ZSWIM3: variants seen among roughly 807,000 people sequenced by gnomAD.
ZSWIM3 encodes the protein zinc finger SWIM domain-containing protein 3.
ZSWIM3 carries 27 observed loss-of-function variants against 47.5 expected under a neutral mutation model. The ratio of observed to expected loss-of-function variants is 0.57; its 90% confidence interval spans 0.42 to 0.78. The LOEUF (loss-of-function observed/expected upper bound fraction) is 0.78, where lower values mean the gene tolerates loss of function less well. Among genes scored for constraint, ZSWIM3 ranks in the 30% least tolerant of loss-of-function variants. The pLI is 0.00. For missense variants in ZSWIM3, 689 were observed against 861.3 expected (o/e 0.80, Z 2.50); for synonymous variants, 333 against 333.9 (o/e 1.00, Z 0.03).
At chr20:45,863,425 T>C (rs886724359) in intron 1 of ZSWIM3, among the ~76,000 whole-genome samples, 2 of 152,174 alleles carry the variant, frequency 1.3e-5, no homozygotes, top group Admixed American at 6.5e-5. Flanking sequence ...AGGAACAGGG[T>C]GGGGGTGCTG....
At chr20:45,867,001 A>ATTTTTTTT (rs143983594) in intron 1 of ZSWIM3, among the ~76,000 whole-genome samples, 2 of 131,180 alleles carry the variant, frequency 1.5e-5, no homozygotes. Flanking sequence ...TCAAGTTAGA[A>ATTTTTTTT]ATTTTTTTTT....
chr20:45,869,405 G>C (rs968161948), intron 1 of ZSWIM3, among the ~76,000 whole-genome samples: 1 of 151,790 alleles, frequency 6.6e-6, no homozygotes, highest in Non-Finnish European at 1.5e-5. Context: ...TGTAATCCCA[G>C]CTACTCGGGA....
In ZSWIM3 at chr20:45,872,306, G is replaced by A. The variant is rs1284720804; in HGVS notation, c.156-4408G>A. ...AAGAAGAATCAAAAAGAATATCCAG[G>A]TTCCCGCCCTGGGAGGGGCAGACAT... On this transcript the variant is annotated intron_variant, in intron 1 of 1. Transcript: ENST00000255152. Among the ~76,000 whole-genome samples, 4 of 152,194 alleles carry A rather than the reference G, an allele frequency of 2.6e-5. 1 individual carries two copies. The South Asian group carries it at 8.3e-4, about 31-fold the overall frequency.
In ZSWIM3 at chr20:45,877,080, A is replaced by G. The variant is rs1300075163; in HGVS notation, c.522A>G (p.Ile174Met). 2.5e-6 allele frequency: 4 copies of G among 1,614,202 alleles called. No individual in the cohort carries two copies. Among genetic ancestry groups the G allele is most frequent in the South Asian group, 2.2e-5 (2 of 91,086 alleles). ...EGITPSDLAK[I>M]AKVMKNFLKV... Reference sequence around the variant, plus strand: ...TCACTCCTTCTGACCTGGCCAAGATAGCAAAAGTGATGAAGAACTTTCTTA... The same window carrying G: ...TCACTCCTTCTGACCTGGCCAAGATGGCAAAAGTGATGAAGAACTTTCTTA... Residue 174 changes from isoleucine (I) to methionine (M), a missense_variant, in exon 2 of 2, where the codon ATA becomes ATG. Coordinates refer to ENST00000255152, the MANE Select transcript of ZSWIM3 (RefSeq NM_080752.4).
chr20:45,857,793 G>A lies in ZSWIM3; in HGVS notation c.-33G>A. 1.9e-6 allele frequency: 3 copies of A among 1,609,220 alleles called. No individual in the cohort carries two copies. The highest frequency in any genetic ancestry group is 2.2e-5 in the East Asian group (1 of 44,786). ...TGGTGTGATCTTGGGCCCGGGCTGGGACCAGCCCCTAGTGTGGGTTGTGGG... is the reference window on the plus strand; with the variant it reads ...TGGTGTGATCTTGGGCCCGGGCTGGAACCAGCCCCTAGTGTGGGTTGTGGG... On this transcript the variant is annotated 5_prime_UTR_variant, in exon 1 of 2. Transcript: ENST00000255152.
chr20:45,878,333 T>G lies in ZSWIM3; in HGVS notation c.1775T>G (p.Leu592Arg). ...RRWQKKYQYL[L>R]GPNGELQDRG... Reference sequence around the variant, plus strand: ...TGGCAGAAGAAGTACCAGTACCTCCTTGGGCCCAATGGGGAGCTCCAGGAT... The same window carrying G: ...TGGCAGAAGAAGTACCAGTACCTCCGTGGGCCCAATGGGGAGCTCCAGGAT... The change falls in exon 2 of 2, where the codon CTT (leucine) becomes CGT (arginine). Residue 592 changes from leucine to arginine, a missense_variant. Transcript: ENST00000255152. 1 of 1,614,234 alleles carries G rather than the reference T, an allele frequency of 6.2e-7. No homozygotes were observed. The highest frequency in any genetic ancestry group is 8.5e-7 in the Non-Finnish European group (1 of 1,180,038).
Position 45,878,273 on chromosome 20 carries a change from A to G in ZSWIM3, c.1715A>G (p.Gln572Arg). The change falls in exon 2 of 2, where the codon CAG (glutamine) becomes CGG (arginine). Residue 572 changes from glutamine (Q) to arginine (R), a missense_variant. By Grantham distance (43) the Gln-to-Arg change is conservative. Coordinates refer to ENST00000255152, the MANE Select transcript of ZSWIM3 (RefSeq NM_080752.4). ...ATTTTGGCTCTGCTGCACACCAGCC[A>G]GCAGCCGGTTGGTGAAGCCATGGTG... ...RHILALLHTS[Q>R]QPVGEAMVCR... 1 of 1,614,230 alleles carries G rather than the reference A, an allele frequency of 6.2e-7. No homozygotes were observed. The highest frequency in any genetic ancestry group is 8.5e-7 in the Non-Finnish European group (1 of 1,180,034).
intron 1 of ZSWIM3, among the ~76,000 whole-genome samples, chr20:45,869,799 C>T (rs1015428288): frequency 2.0e-5 from 3 of 151,678 alleles, no homozygotes; most frequent in African/African-American, 7.3e-5. Flanking sequence ...AATCCCAGTG[C>T]TTTGGGAGGC....
At position 45,878,800 on chromosome 20, in the gene ZSWIM3, C is replaced by G; in HGVS notation, c.*151C>G. 1 of 985,872 alleles carries G rather than the reference C, an allele frequency of 1.0e-6. No individual in the cohort carries two copies. Among genetic ancestry groups the G allele is most frequent in the South Asian group, 1.8e-5 (1 of 54,780 alleles). The allele number at this position is 985,872 out of a possible 1,614,324, so 61.1% of individuals were successfully genotyped here. ...GTTACAGTAGAGAGGAAGGGAACTC[C>G]ACTGTGTGACAGTCCTTTCAATCTG... On this transcript the variant is annotated 3_prime_UTR_variant, in exon 2 of 2. Coordinates refer to ENST00000255152, the MANE Select transcript of ZSWIM3 (RefSeq NM_080752.4).
In ZSWIM3 at chr20:45,876,919, A is replaced by G. The variant is rs1466467970; in HGVS notation, c.361A>G (p.Thr121Ala). 1.2e-6 allele frequency: 2 copies of G among 1,614,106 alleles called. No homozygotes were observed. Among genetic ancestry groups the G allele is most frequent in the Admixed American group, 3.3e-5 (2 of 60,022 alleles). ...GGDTTGKSQKTMCLQRLQPVQ... is the reference protein window; with the variant it reads ...GGDTTGKSQKAMCLQRLQPVQ... ...AGACACCACTGGCAAATCTCAAAAGACAATGTGCCTGCAGAGACTCCAGCC... is the reference window on the plus strand; with the variant it reads ...AGACACCACTGGCAAATCTCAAAAGGCAATGTGCCTGCAGAGACTCCAGCC... Residue 121 changes from threonine to alanine, a missense_variant, in exon 2 of 2, where the codon ACA becomes GCA. Thr to Ala is a moderately conservative substitution (Grantham distance 58). Transcript: ENST00000255152.
At chr20:45,861,985 T>C (rs184985466) in intron 1 of ZSWIM3, among the ~76,000 whole-genome samples, 328 of 152,018 alleles carry the variant, frequency 2.2e-3, no homozygotes, top group African/African-American at 7.7e-3. Context: ...GTCAAGATCA[T>C]GCCACTACAC....
chr20:45,876,942 G>A lies in ZSWIM3; in HGVS notation c.384G>A (p.Gln128=), dbSNP rs1015568734. 3 of 1,613,990 alleles carry A rather than the reference G, an allele frequency of 1.9e-6. No individual in the cohort carries two copies. The highest frequency in any genetic ancestry group is 2.5e-6 in the Non-Finnish European group (3 of 1,180,040). ...SQKTMCLQRL[Q]PVQPTTKKDL... ...AGACAATGTGCCTGCAGAGACTCCA[G>A]CCTGTGCAGCCCACAACCAAAAAAG... The change falls in exon 2 of 2, where the codon CAG becomes CAA. Residue 128 remains glutamine (Q), a synonymous_variant. Transcript: ENST00000255152.
intron 1 of ZSWIM3, among the ~76,000 whole-genome samples, chr20:45,870,046 G>GAA (rs771712120): frequency 0.012 from 636 of 53,684 alleles, 23 homozygotes; most frequent in African/African-American, 0.033. Flanking sequence ...TCCGTCTCAA[G>GAA]AAAAAAAAAA....
At chr20:45,875,303 A>T (rs1039283426) in intron 1 of ZSWIM3, among the ~76,000 whole-genome samples, 1 of 151,838 alleles carries the variant, frequency 6.6e-6, no homozygotes, top group South Asian at 2.1e-4. Context: ...CGGCCTCCCA[A>T]AGTGGTGGGA....
chr20:45,869,322 C>T (rs554915881), intron 1 of ZSWIM3, among the ~76,000 whole-genome samples: 2 of 151,646 alleles, frequency 1.3e-5, no homozygotes, highest in South Asian at 4.2e-4. Context: ...AGTTCAAAAC[C>T]AGCCTGGCCA....
At chr20:45,865,044 C>T (rs118119077) in intron 1 of ZSWIM3, among the ~76,000 whole-genome samples, 2,113 of 151,048 alleles carry the variant, frequency 0.014, 63 homozygotes, top group East Asian at 0.13. Context: ...GTAGCCGGGG[C>T]GCAGTGGCTC....
At chr20:45,859,933 G>A (rs1568744248) in intron 1 of ZSWIM3, among the ~76,000 whole-genome samples, 1 of 151,936 alleles carries the variant, frequency 6.6e-6, no homozygotes, top group Non-Finnish European at 1.5e-5. Flanking sequence ...TACTAACCAT[G>A]TGATTCAGGG....
intron 1 of ZSWIM3, among the ~76,000 whole-genome samples, chr20:45,864,893 G>A (rs988825051): frequency 5.3e-5 from 8 of 152,062 alleles, no homozygotes; most frequent in African/African-American, 1.4e-4. Flanking sequence ...GTGCAGGGCC[G>A]GGCGTGGTGG....
Position 45,857,687 on chromosome 20 carries a change from G to T in ZSWIM3, c.-139G>T. 1 of 1,056,902 alleles carries T rather than the reference G, an allele frequency of 9.5e-7. No homozygotes were observed. The allele number at this position is 1,056,902 out of a possible 1,614,324, so 65.5% of individuals were successfully genotyped here. ...GGGTTCCTCCCTGAGTTCCAGAATA[G>T]GCCACCCAGTTGGGGCGGACCCTTA... On this transcript the variant is annotated 5_prime_UTR_variant, in exon 1 of 2. The change creates a new upstream start codon in the 5' untranslated region. Coordinates refer to ENST00000255152, the MANE Select transcript of ZSWIM3 (RefSeq NM_080752.4).
Sources: allele counts gnomAD v4.1 joint callset (sites outside exome capture counted in the v4.1 genomes callset), GRCh38; gene constraint gnomAD v4.1.1; transcripts MANE v1.5; gene names NCBI Gene and HGNC (gene_info 2026-07-23, HGNC 2026-07-21).